Variants in SOX6 observed in about 807,000 individuals in gnomAD.
SOX6 encodes the protein SRY-box transcription factor 6.
A neutral mutation model predicts 97.8 loss-of-function variants in SOX6; 11 were observed. That is an observed-to-expected ratio of 0.11 (90% CI 0.07 to 0.19). The LOEUF (loss-of-function observed/expected upper bound fraction) is 0.19. Among genes scored for constraint, SOX6 ranks in the 10% least tolerant of loss-of-function variants. The pLI is 1.00. For missense variants in SOX6, 810 were observed against 1,039.5 expected (o/e 0.78, Z 3.04); for synonymous variants, 360 against 371.4 (o/e 0.97, Z 0.35).
chr11:16,214,701 C>T (rs1224209256), intron 4 of SOX6, among the ~76,000 whole-genome samples: 1 of 151,680 alleles, frequency 6.6e-6, no homozygotes, highest in Non-Finnish European at 1.5e-5. Context: ...TAAGTATACT[C>T]ATGGGTCTGA....
chr11:16,383,973 T>C lies in SOX6; in HGVS notation c.-4-42721A>G, dbSNP rs1857903564. Among the ~76,000 whole-genome samples the C allele has an allele frequency of 2.6e-5, 4 of 152,062 alleles. No homozygotes were observed. The South Asian group carries it at 8.3e-4, about 32-fold the overall frequency. On this transcript the variant is annotated intron_variant, in intron 1 of 15. Coordinates refer to the SOX6 transcript ENST00000396356. Reference sequence around the variant, plus strand: ...CCAGCAATTTGGAGACCACTCAATGTAGAGATAAATAGCCTTAACAGACAC... The same window carrying C: ...CCAGCAATTTGGAGACCACTCAATGCAGAGATAAATAGCCTTAACAGACAC...
intron 1 of SOX6, among the ~76,000 whole-genome samples, chr11:16,460,768 A>G (rs752031990): frequency 1.9e-4 from 29 of 152,092 alleles, no homozygotes; most frequent in African/African-American, 3.6e-4. Flanking sequence ...CACCTGTTCT[A>G]TTCTTCACAG....
At chr11:16,268,721 G>T (rs1590078331) in intron 3 of SOX6, among the ~76,000 whole-genome samples, 1 of 150,996 alleles carries the variant, frequency 6.6e-6, no homozygotes, top group East Asian at 1.9e-4. Context: ...TTTTACATTT[G>T]TTTTTTGAAT....
intron 2 of SOX6, among the ~76,000 whole-genome samples, chr11:16,338,083 A>AATGAGGGCC (rs1453923950): frequency 6.6e-6 from 1 of 152,122 alleles, no homozygotes; most frequent in African/African-American, 2.4e-5. Context: ...ACAGTTCATG[A>AATGAGGGCC]ATGAGGGCCA....
intron 3 of SOX6, among the ~76,000 whole-genome samples, chr11:16,638,927 G>A (rs1212958425): frequency 2.0e-5 from 3 of 152,150 alleles, no homozygotes; most frequent in African/African-American, 7.2e-5. Context: ...AGTTTAATTA[G>A]ATCCCATTTG....
chr11:16,177,575 T>A (rs1851228758), intron 6 of SOX6, among the ~76,000 whole-genome samples: 1 of 151,582 alleles, frequency 6.6e-6, no homozygotes, highest in Admixed American at 6.6e-5. Context: ...TTATTTAAAT[T>A]CCAGCTGACT....
intron 6 of SOX6, among the ~76,000 whole-genome samples, chr11:16,120,561 C>CATATATATATATATATATATATATAT (rs71455877): frequency 2.1e-5 from 3 of 145,098 alleles, no homozygotes; most frequent in African/African-American, 7.5e-5. Flanking sequence ...GCTAACTTCA[C>CATATATATATATATATATATATATAT]ATATATATAT....
At chr11:16,523,942 G>C (rs1368578572) in intron 4 of SOX6, among the ~76,000 whole-genome samples, 2 of 152,162 alleles carry the variant, frequency 1.3e-5, no homozygotes, top group African/African-American at 2.4e-5. Context: ...GGAAGAAGTT[G>C]AATCTTTGAA....
intron 3 of SOX6, among the ~76,000 whole-genome samples, chr11:16,277,290 C>T (rs1466457565): frequency 6.6e-6 from 1 of 152,068 alleles, no homozygotes; most frequent in Non-Finnish European, 1.5e-5. Flanking sequence ...AGATCTCCCT[C>T]TTATCCCTCT....
chr11:16,091,115 A>G (rs1331093676), intron 9 of SOX6, among the ~76,000 whole-genome samples: 1 of 152,044 alleles, frequency 6.6e-6, no homozygotes, highest in African/African-American at 2.4e-5. Context: ...ATTAGCCTAC[A>G]GCTCATCTAA....
At chr11:16,399,931 T>C (rs1858501368) in intron 1 of SOX6, among the ~76,000 whole-genome samples, 2 of 151,390 alleles carry the variant, frequency 1.3e-5, no homozygotes, top group South Asian at 2.1e-4. Context: ...TTTTAGCCAG[T>C]GCAAAAATTG....
intron 1 of SOX6, among the ~76,000 whole-genome samples, chr11:16,388,682 G>C (rs1356593646): frequency 2.0e-5 from 3 of 151,740 alleles, no homozygotes; most frequent in African/African-American, 7.3e-5. Flanking sequence ...TTTTCTTATT[G>C]TCTGTTTAAT....
intron 4 of SOX6, among the ~76,000 whole-genome samples, chr11:16,563,244 A>C (rs75733327): frequency 1.3e-5 from 2 of 152,170 alleles, no homozygotes; most frequent in East Asian, 1.9e-4. Flanking sequence ...TGAAAAAAAA[A>C]CTGAAAACTA....
chr11:16,511,284 T>TTTCAGTCATCA (rs1185509677), intron 4 of SOX6, among the ~76,000 whole-genome samples: 1 of 152,128 alleles, frequency 6.6e-6, no homozygotes, highest in Non-Finnish European at 1.5e-5. Flanking sequence ...TTTACCACAG[T>TTTCAGTCATCA]TTCAGTCATC....
At chr11:16,508,359 T>C (rs923500180) in intron 4 of SOX6, among the ~76,000 whole-genome samples, 2 of 152,096 alleles carry the variant, frequency 1.3e-5, no homozygotes, top group South Asian at 4.1e-4. Context: ...TAGGTATTTA[T>C]CCAAAGGAAA....
At chr11:16,584,300 A>G (rs1848068381) in intron 4 of SOX6, among the ~76,000 whole-genome samples, 1 of 152,150 alleles carries the variant, frequency 6.6e-6, no homozygotes, top group Non-Finnish European at 1.5e-5. Context: ...CCATAATGCA[A>G]AGACTATGAG....
intron 3 of SOX6, among the ~76,000 whole-genome samples, chr11:16,309,114 G>T (rs1855523702): frequency 6.6e-6 from 1 of 152,176 alleles, no homozygotes; most frequent in Non-Finnish European, 1.5e-5. Context: ...TGTTTTCCAA[G>T]AGAGTGGAAA....
chr11:16,162,853 G>C (rs192254815), intron 6 of SOX6, among the ~76,000 whole-genome samples: 82 of 152,228 alleles, frequency 5.4e-4, no homozygotes, highest in African/African-American at 1.8e-3. Flanking sequence ...CTTTGTGGTT[G>C]TGACCAATTA....
chr11:16,480,813 C>G (rs1216575370), upstream of SOX6, among the ~76,000 whole-genome samples: 1 of 152,104 alleles, frequency 6.6e-6, no homozygotes, highest in African/African-American at 2.4e-5. Context: ...TCCACTTTTA[C>G]ATTAAATCAT....
Sources: gnomAD v4.1 joint callset for allele counts (sites outside exome capture counted in the v4.1 genomes callset) on GRCh38, gnomAD v4.1.1 for gene constraint, MANE v1.5 for transcripts, NCBI Gene and HGNC (gene_info 2026-07-23, HGNC 2026-07-21) for gene names.